The following AIF1L variants were observed in gnomAD, a reference collection of about 807,000 sequenced individuals.
AIF1L encodes the protein allograft inflammatory factor 1 like, also known as allograft inflammatory factor 1-like.
Under a neutral mutation model 20.7 loss-of-function variants are expected in AIF1L, and 12 were observed. The observed-to-expected ratio is 0.58, with a 90% CI of 0.37 to 0.94. AIF1L has a LOEUF of 0.94. Ranked by LOEUF, AIF1L falls within the 40% of genes least tolerant of loss-of-function variation. The pLI, the probability that AIF1L is intolerant of heterozygous loss-of-function variation, is 0.01. For missense variants in AIF1L, 173 were observed against 185.3 expected (o/e 0.93, Z 0.39); for synonymous variants, 76 against 65.1 (o/e 1.17, Z -0.81).
chr9:131,106,688 G>A (rs1830757092), intron 2 of AIF1L, among the ~76,000 whole-genome samples: 1 of 152,160 alleles, frequency 6.6e-6, no homozygotes, highest in Admixed American at 6.5e-5. Flanking sequence ...GAGGGCTGAG[G>A]TGGGAGGATT....
intron 2 of AIF1L, among the ~76,000 whole-genome samples, chr9:131,110,973 C>T (rs914914937): frequency 1.3e-5 from 2 of 151,022 alleles, no homozygotes; most frequent in Non-Finnish European, 3.0e-5. Flanking sequence ...GTCAGGAGTT[C>T]GAGACCAGCC....
chr9:131,118,504 G>C (rs1042872196), intron 5 of AIF1L, among the ~76,000 whole-genome samples: 1 of 151,622 alleles, frequency 6.6e-6, no homozygotes, highest in Admixed American at 6.6e-5. Flanking sequence ...TGGTGATGGT[G>C]ATAATGGTGA....
chr9:131,114,631 T>C lies in AIF1L; in HGVS notation c.202+13T>C. The C allele has an allele frequency of 1.2e-6, 2 of 1,614,012 alleles. No homozygotes were observed. ...GAAGGCGAGATTGGTGAGTGAAGCC[T>C]TGAGTGTGTTTAGGGAGGAGGGTGT... On this transcript the variant is annotated intron_variant, in intron 4 of 5. Transcript: ENST00000247291.
chr9:131,096,757 C>G, intron 1 of AIF1L, 45 bp from the exon 2 acceptor site: 1 of 1,504,974 alleles, frequency 6.6e-7, no homozygotes, highest in Admixed American at 2.3e-5. Context: ...GGCGCGTGGC[C>G]CGAAGAGGAC....
chr9:131,119,840 C>T (rs1475505326), intron 5 of AIF1L, among the ~76,000 whole-genome samples: 3 of 152,194 alleles, frequency 2.0e-5, no homozygotes, highest in Non-Finnish European at 4.4e-5. Flanking sequence ...TCCCCAGACA[C>T]CACTCTCAGA....
rs1357487523 is a variant in AIF1L at position 131,122,811 on chromosome 9, C to T, written c.*2489C>T. 2 of 152,236 alleles carry T rather than the reference C, an allele frequency of 1.3e-5. No individual in the cohort carries two copies. Among genetic ancestry groups the T allele is most frequent in the African/African-American group, 2.4e-5 (1 of 41,442 alleles). 9.4% of individuals were successfully genotyped at this position (152,236 alleles called of 1,614,324 possible). A position where few individuals can be genotyped will look rare whatever the true frequency, so the allele number is the denominator to read the frequency against. On this transcript the variant is annotated 3_prime_UTR_variant, in exon 6 of 6. Transcript: ENST00000247291. ...CCATCAGTCCCTTCATTTCTTGAGA[C>T]TCAACTCCTGGGAGGAGAGGGTCTC...
intron 2 of AIF1L, chr9:131,106,223 T>G: frequency 6.5e-7 from 1 of 1,535,924 alleles, no homozygotes; most frequent in East Asian, 2.4e-5. Context: ...TACAGAGGAT[T>G]TCATGTTCCC....
At position 131,106,324 on chromosome 9, in the gene AIF1L, G is replaced by A. The variant is rs574093047; in HGVS notation, c.94-5273G>A. 1.4e-4 allele frequency: 173 copies of A among 1,237,210 alleles called. 1 individual carries two copies. Among genetic ancestry groups the A allele is most frequent in the South Asian group, 2.2e-4 (17 of 78,072 alleles). 76.6% of individuals were successfully genotyped at this position (1,237,210 alleles called of 1,614,324 possible). A position where few individuals can be genotyped will look rare whatever the true frequency, so the allele number is the denominator to read the frequency against. On this transcript the variant is annotated intron_variant, in intron 2 of 5. Transcript: ENST00000247291. Reference sequence around the variant, plus strand: ...CTCATCCTGCACATGTTTATTGAGCGTCTGCTATGTGGAACCTACATTCTA... The same window carrying A: ...CTCATCCTGCACATGTTTATTGAGCATCTGCTATGTGGAACCTACATTCTA...
At chr9:131,097,401 T>C (rs1418910136) in intron 2 of AIF1L, among the ~76,000 whole-genome samples, 2 of 151,762 alleles carry the variant, frequency 1.3e-5, no homozygotes, top group Non-Finnish European at 2.9e-5. Context: ...ATTGTTGTTA[T>C]AAGGGATTCA....
intron 4 of AIF1L, among the ~76,000 whole-genome samples, chr9:131,116,098 A>C (rs1279251516): frequency 6.6e-6 from 1 of 152,156 alleles, no homozygotes; most frequent in Non-Finnish European, 1.5e-5. Context: ...CCCAGAAGTA[A>C]CTGCTACAAA....
intron 3 of AIF1L, 96 bp downstream of exon 3, chr9:131,111,759 C>G (rs1439266131): frequency 1.6e-6 from 2 of 1,235,326 alleles, no homozygotes; most frequent in East Asian, 4.7e-5. Flanking sequence ...CAGGACTAGG[C>G]TGTGGCCCTG....
chr9:131,107,143 G>T (rs1377569147), intron 2 of AIF1L, among the ~76,000 whole-genome samples: 1 of 152,178 alleles, frequency 6.6e-6, no homozygotes, highest in Admixed American at 6.5e-5. Context: ...TTGAGCAAAG[G>T]CTTGAAGTTG....
intron 2 of AIF1L, among the ~76,000 whole-genome samples, chr9:131,104,244 T>G (rs1165941556): frequency 6.6e-6 from 1 of 152,072 alleles, no homozygotes; most frequent in Non-Finnish European, 1.5e-5. Flanking sequence ...TCACACCTGC[T>G]CCCCCACCCC....
chr9:131,102,361 C>CAGGTGTGTCTTTTTTCCTATG (rs1830658658), intron 2 of AIF1L, among the ~76,000 whole-genome samples: 1 of 152,210 alleles, frequency 6.6e-6, no homozygotes, highest in Non-Finnish European at 1.5e-5. Context: ...GGCAAGTATG[C>CAGGTGTGTCTTTTTTCCTATG]AGGTGTGTCT....
chr9:131,108,229 G>A (rs1830794425), intron 2 of AIF1L: 1 of 134,202 alleles, frequency 7.5e-6, no homozygotes, highest in Admixed American at 7.8e-5. Context: ...TTTTTGAGAT[G>A]GAGTCTGTGG....
At chr9:131,099,036 C>T (rs529774714) in intron 2 of AIF1L, among the ~76,000 whole-genome samples, 2 of 152,190 alleles carry the variant, frequency 1.3e-5, no homozygotes, top group Non-Finnish European at 2.9e-5. Context: ...TACCCACAAG[C>T]ACTGATCTGT....
intron 5 of AIF1L, 101 bp from the exon 6 acceptor site, chr9:131,120,134 G>A: frequency 9.1e-7 from 1 of 1,096,262 alleles, no homozygotes; most frequent in Non-Finnish European, 1.3e-6. Flanking sequence ...ATTCTGTTGA[G>A]GACCCTGCTG....
intron 4 of AIF1L, among the ~76,000 whole-genome samples, chr9:131,116,435 C>T (rs764117822): frequency 6.6e-6 from 1 of 151,988 alleles, no homozygotes. Context: ...GGCTAATTTT[C>T]GTATTTTTAG....
intron 2 of AIF1L, among the ~76,000 whole-genome samples, chr9:131,106,789 G>A (rs186153346): frequency 8.3e-5 from 9 of 108,100 alleles, no homozygotes; most frequent in South Asian, 2.6e-4. Context: ...GGTGACATTC[G>A]GCCGCATTGA....
Sources: allele counts gnomAD v4.1 joint callset (sites outside exome capture counted in the v4.1 genomes callset), GRCh38; gene constraint gnomAD v4.1.1; transcripts MANE v1.5; gene names NCBI Gene and HGNC (gene_info 2026-07-23, HGNC 2026-07-21).